LINGO2: variants seen among roughly 807,000 people sequenced by gnomAD.
LINGO2 encodes leucine-rich repeat and immunoglobulin-like domain-containing nogo receptor-interacting protein 2.
In LINGO2, 14 loss-of-function variants were observed where a neutral mutation model predicts 30.6. The ratio of observed to expected loss-of-function variants is 0.46; its 90% CI spans 0.30 to 0.72. The LOEUF (loss-of-function observed/expected upper bound fraction) is 0.72. Ranked by LOEUF, LINGO2 falls within the 30% of genes least tolerant of loss-of-function variation. The pLI, the probability that LINGO2 is intolerant of heterozygous loss-of-function variation, is 0.07. For missense variants in LINGO2, 729 were observed against 751.7 expected, an observed-to-expected ratio of 0.97 and a Z score of 0.35; for synonymous variants, 317 against 288.5, an observed-to-expected ratio of 1.10 and a Z score of -1.00.
intron 4 of LINGO2, among the ~76,000 whole-genome samples, chr9:28,256,584 G>A (rs1313737359): frequency 6.6e-6 from 1 of 151,914 alleles, no homozygotes; most frequent in African/African-American, 2.4e-5. Context: ...TAAGAATGAT[G>A]AAAAAGTAAT....
At chr9:28,392,174 G>A (rs1247184359) in intron 2 of LINGO2, among the ~76,000 whole-genome samples, 1 of 152,208 alleles carries the variant, frequency 6.6e-6, no homozygotes, top group Non-Finnish European at 1.5e-5. Context: ...CAGCGTTCCA[G>A]CCTGGTGACA....
intron 1 of LINGO2, among the ~76,000 whole-genome samples, chr9:28,549,012 C>A (rs1822117397): frequency 6.6e-6 from 1 of 151,904 alleles, no homozygotes; most frequent in South Asian, 2.1e-4. Context: ...TACTGCAAAA[C>A]ATTAACCTGT....
chr9:28,573,950 G>A (rs2135604405), intron 1 of LINGO2, among the ~76,000 whole-genome samples: 1 of 151,736 alleles, frequency 6.6e-6, no homozygotes, highest in East Asian at 1.9e-4. Flanking sequence ...TAGATGAGAG[G>A]CAGTCAGCTA....
intron 4 of LINGO2, among the ~76,000 whole-genome samples, chr9:28,054,424 T>C (rs1824822197): frequency 6.6e-6 from 1 of 152,112 alleles, no homozygotes; most frequent in Non-Finnish European, 1.5e-5. Context: ...AAGACTTGTC[T>C]GGATCTCCAC....
intron 3 of LINGO2, among the ~76,000 whole-genome samples, chr9:28,316,527 C>T (rs574542427): frequency 6.6e-6 from 1 of 152,170 alleles, no homozygotes; most frequent in Non-Finnish European, 1.5e-5. Context: ...ATTTGAAAAA[C>T]TTTGAAAACT....
chr9:28,158,673 C>A (rs1317949596), intron 4 of LINGO2, among the ~76,000 whole-genome samples: 1 of 152,046 alleles, frequency 6.6e-6, no homozygotes, highest in Non-Finnish European at 1.5e-5. Context: ...CAATGAAGAG[C>A]CACCCTGGCA....
the LINGO2 span, among the ~76,000 whole-genome samples, chr9:28,730,980 CTG>C: frequency 6.6e-6 from 1 of 151,866 alleles, no homozygotes; most frequent in African/African-American, 2.4e-5. Context: ...AGTCCAGAAA[CTG>C]TACTCCTGAG....
chr9:28,995,707 C>T, the LINGO2 span, among the ~76,000 whole-genome samples: 3 of 152,120 alleles, frequency 2.0e-5, no homozygotes, highest in Non-Finnish European at 4.4e-5. Context: ...ATGATGAGTT[C>T]ATGTCCTTTG....
chr9:29,008,971 A>C, the LINGO2 span, among the ~76,000 whole-genome samples: 1 of 152,150 alleles, frequency 6.6e-6, no homozygotes, highest in Non-Finnish European at 1.5e-5. Context: ...AGGCCTTCAA[A>C]AAAATTCAAC....
At chr9:28,407,890 C>A (rs763912724) in intron 2 of LINGO2, among the ~76,000 whole-genome samples, 36 of 152,022 alleles carry the variant, frequency 2.4e-4, no homozygotes, top group Admixed American at 1.2e-3. Flanking sequence ...TTGGCCAAAG[C>A]ATTCTAACAG....
At chr9:28,481,589 T>C (rs1825965220) in intron 1 of LINGO2, among the ~76,000 whole-genome samples, 1 of 152,066 alleles carries the variant, frequency 6.6e-6, no homozygotes, top group Non-Finnish European at 1.5e-5. Flanking sequence ...GCTGTCGCCC[T>C]CCTCTGTGTA....
At chr9:28,883,970 G>A in the LINGO2 span, among the ~76,000 whole-genome samples, 11 of 151,400 alleles carry the variant, frequency 7.3e-5, no homozygotes, top group East Asian at 1.9e-4. Context: ...GAGCCACCGC[G>A]CCCGGCTAGA....
the LINGO2 span, among the ~76,000 whole-genome samples, chr9:28,754,195 C>A: frequency 1.3e-5 from 2 of 152,042 alleles, no homozygotes; most frequent in South Asian, 2.1e-4. Context: ...TTACTATATA[C>A]AAGATTCTTC....
At chr9:28,517,528 CTGAAACATTTA>C (rs1408888232) in intron 1 of LINGO2, among the ~76,000 whole-genome samples, 4 of 152,130 alleles carry the variant, frequency 2.6e-5, no homozygotes, top group Admixed American at 6.5e-5. Flanking sequence ...GTAGTGCTAC[CTGAAACATTTA>C]TGAGCGTCTA....
chr9:29,018,712 C>T, the LINGO2 span, among the ~76,000 whole-genome samples: 1 of 152,120 alleles, frequency 6.6e-6, no homozygotes, highest in South Asian at 2.1e-4. Context: ...TCACTCTTAA[C>T]CATATTTTAT....
At chr9:28,963,864 C>A in the LINGO2 span, among the ~76,000 whole-genome samples, 121 of 151,768 alleles carry the variant, frequency 8.0e-4, no homozygotes, top group African/African-American at 2.9e-3. Flanking sequence ...TTTGATAGCA[C>A]AGTAAGGTGA....
the LINGO2 span, among the ~76,000 whole-genome samples, chr9:28,926,371 A>G: frequency 1.3e-5 from 2 of 152,154 alleles, no homozygotes; most frequent in African/African-American, 4.8e-5. Flanking sequence ...GAATAACTAC[A>G]GTGAAGTTTT....
At chr9:28,668,262 T>C (rs1399523270) in intron 1 of LINGO2, among the ~76,000 whole-genome samples, 1 of 152,004 alleles carries the variant, frequency 6.6e-6, no homozygotes, top group Admixed American at 6.6e-5. Context: ...TGAAATCTTA[T>C]CTGTAGGCAA....
At chr9:29,164,379 T>C in the LINGO2 span, among the ~76,000 whole-genome samples, 1 of 152,152 alleles carries the variant, frequency 6.6e-6, no homozygotes, top group Non-Finnish European at 1.5e-5. Flanking sequence ...ATTGTCCTGC[T>C]CTACAAGCAT....
Sources: gnomAD v4.1 joint callset for allele counts (sites outside exome capture counted in the v4.1 genomes callset) on GRCh38, gnomAD v4.1.1 for gene constraint, MANE v1.5 for transcripts, NCBI Gene and HGNC (gene_info 2026-07-23, HGNC 2026-07-21) for gene names.